IYD: variants seen among roughly 807,000 people sequenced by gnomAD.
IYD encodes the protein iodotyrosine deiodinase 1.
In IYD, 25 loss-of-function variants were observed where a neutral mutation model predicts 28.4. That is an observed-to-expected ratio of 0.88 (90% confidence interval 0.64 to 1.23). IYD has a LOEUF of 1.23. Ranked by LOEUF, IYD falls within the 50% of genes most tolerant of loss-of-function variation. The pLI is 0.00. For missense variants in IYD, 352 were observed against 357.9 expected (o/e 0.98, Z 0.13); for synonymous variants, 140 against 130.8 (o/e 1.07, Z -0.48).
chr6:150,405,103 CTG>C lies in IYD; in HGVS notation c.*6870_*6871del, dbSNP rs1250618614. The C allele has an allele frequency of 2.0e-5, 3 of 152,230 alleles. No homozygotes were observed. The highest frequency in any genetic ancestry group is 2.1e-4 in the South Asian group (1 of 4,826). 9.4% of individuals were successfully genotyped at this position (152,230 alleles called of 1,614,324 possible). On this transcript the variant is annotated 3_prime_UTR_variant, in exon 5 of 5. Coordinates refer to ENST00000344419, the MANE Select transcript of IYD (RefSeq NM_203395.3). ...CAAGATCTGAAAGGGACATGGGAATCTGTGTTTTTAACGTGTTCCAGGTGATT... is the reference window on the plus strand; with the variant it reads ...CAAGATCTGAAAGGGACATGGGAATCTGTTTTTAACGTGTTCCAGGTGATT...
At chr6:150,378,406 A>T (rs1054826382) in intron 1 of IYD, among the ~76,000 whole-genome samples, 1 of 149,632 alleles carries the variant, frequency 6.7e-6, no homozygotes, top group African/African-American at 2.5e-5. Context: ...TTCAATTCCC[A>T]CCTATAAGTG....
At chr6:150,388,693 T>C (rs1777993425) in intron 1 of IYD, among the ~76,000 whole-genome samples, 2 of 146,566 alleles carry the variant, frequency 1.4e-5, no homozygotes, top group Admixed American at 1.4e-4. Context: ...CTTCTTTCCT[T>C]CCTTCCTTTC....
chr6:150,390,624 T>C (rs913391514), intron 2 of IYD, among the ~76,000 whole-genome samples: 1 of 152,050 alleles, frequency 6.6e-6, no homozygotes, highest in Non-Finnish European at 1.5e-5. Flanking sequence ...CCTCCCTCCA[T>C]AGGTGCTGCT....
Position 150,369,018 on chromosome 6 carries a change from T to G in IYD, c.-14T>G. The G allele has an allele frequency of 6.2e-7, 1 of 1,613,834 alleles. No homozygotes were observed. Among genetic ancestry groups the G allele is most frequent in the Non-Finnish European group, 8.5e-7 (1 of 1,179,846 alleles). ...GTGGGAAGTGTGCACGCCTGTGACG[T>G]CAGACTCCAGACCATGTATTTCCTG... On this transcript the variant is annotated 5_prime_UTR_variant, in exon 1 of 5. Coordinates refer to ENST00000344419, the MANE Select transcript of IYD (RefSeq NM_203395.3).
chr6:150,370,320 C>CAT (rs1777188571), intron 1 of IYD, among the ~76,000 whole-genome samples: 1 of 149,566 alleles, frequency 6.7e-6, no homozygotes. Flanking sequence ...TGTGTGTGCA[C>CAT]GAGTGGGTGA....
At chr6:150,380,099 T>C (rs1156343031) in intron 1 of IYD, among the ~76,000 whole-genome samples, 3 of 152,250 alleles carry the variant, frequency 2.0e-5, no homozygotes, top group Admixed American at 6.5e-5. Context: ...CACTAATATA[T>C]ATATCAAAGG....
At position 150,403,280 on chromosome 6, in the gene IYD, T is replaced by A. The variant is rs1466509732; in HGVS notation, c.*5043T>A. The A allele has an allele frequency of 1.3e-5, 2 of 152,220 alleles. No individual in the cohort carries two copies. The highest frequency in any genetic ancestry group is 3.8e-4 in the East Asian group (2 of 5,204). 9.4% of individuals were successfully genotyped at this position (152,220 alleles called of 1,614,324 possible). A position where few individuals can be genotyped will look rare whatever the true frequency, so the allele number is the denominator to read the frequency against. ...GCTAGGTATCAGCAGAGTGCCCTCTTATAATTTGTGTGAAATGGAAACAAA... is the reference window on the plus strand; with the variant it reads ...GCTAGGTATCAGCAGAGTGCCCTCTAATAATTTGTGTGAAATGGAAACAAA... On this transcript the variant is annotated 3_prime_UTR_variant, in exon 5 of 5. Coordinates refer to ENST00000344419, the MANE Select transcript of IYD (RefSeq NM_203395.3).
intron 1 of IYD, among the ~76,000 whole-genome samples, chr6:150,376,437 T>A (rs1394431400): frequency 6.6e-6 from 1 of 151,658 alleles, no homozygotes; most frequent in African/African-American, 2.4e-5. Flanking sequence ...TCAGGGAAAA[T>A]GAATGGGTCC....
rs1282936514 is a variant in IYD, at chr6:150,399,963, C to T, written c.*1726C>T. On this transcript the variant is annotated 3_prime_UTR_variant, in exon 5 of 5. Transcript: ENST00000344419. The stretch of plus-strand genomic sequence containing the variant: ...GACACAAACATTCCGTCCATGGCAC[C>T]TACTTCATAGGGTTTGGCATGCTGC... 3 of 152,256 alleles carry T rather than the reference C, an allele frequency of 2.0e-5. No individual in the cohort carries two copies. Among genetic ancestry groups the T allele is most frequent in the Admixed American group, 6.5e-5 (1 of 15,282 alleles). The allele number at this position is 152,256 out of a possible 1,614,324, so 9.4% of individuals were successfully genotyped here.
In IYD at chr6:150,405,666, A is replaced by C; in HGVS notation, c.*7429A>C. ...CATCAGATCTCATGAGAACTCACTC[A>C]TTCTCATGAGAATAACATGGGGGAA... On this transcript the variant is annotated 3_prime_UTR_variant, in exon 5 of 5. Transcript: ENST00000344419. 1 of 152,190 alleles carries C rather than the reference A, an allele frequency of 6.6e-6. No individual in the cohort carries two copies. Among genetic ancestry groups the C allele is most frequent in the Non-Finnish European group, 1.5e-5 (1 of 68,042 alleles). The allele number at this position is 152,190 out of a possible 1,614,324, so 9.4% of individuals were successfully genotyped here.
chr6:150,384,427 A>G (rs978380355), intron 1 of IYD: 1 of 152,174 alleles, frequency 6.6e-6, no homozygotes, highest in East Asian at 1.9e-4. Flanking sequence ...TTCTGATTTG[A>G]TATACTGAGG....
Position 150,392,352 on chromosome 6 carries a change from C to T in IYD, c.378C>T (p.Ala126=), listed in dbSNP as rs1459544500. 6.2e-7 allele frequency: 1 copy of T among 1,613,264 alleles called. No individual in the cohort carries two copies. The highest frequency in any genetic ancestry group is 1.7e-5 in the Admixed American group (1 of 60,020). ...TAATGGAATGGGTGACAGGAACAGC[C>T]CCGAGTGGGGCTCACACAGAGCCCT... ...IDNVIRTAGT[A]PSGAHTEPWT... Residue 126 remains alanine, a synonymous_variant, in exon 3 of 5, where the codon GCC becomes GCT. Transcript: ENST00000344419.
chr6:150,379,100 A>AC (rs1777555629), intron 1 of IYD, among the ~76,000 whole-genome samples: 1 of 151,916 alleles, frequency 6.6e-6, no homozygotes, highest in Non-Finnish European at 1.5e-5. Flanking sequence ...CTTCCTGCCC[A>AC]CCCCCAATAG....
chr6:150,387,207 C>A (rs78666909), intron 1 of IYD, among the ~76,000 whole-genome samples: 2,271 of 152,058 alleles, frequency 0.015, 56 homozygotes, highest in African/African-American at 0.052. Context: ...CAATTATGAA[C>A]CTGAAGTTTG....
At chr6:150,371,144 G>C (rs1777224642) in intron 1 of IYD, among the ~76,000 whole-genome samples, 1 of 152,362 alleles carries the variant, frequency 6.6e-6, no homozygotes, top group Non-Finnish European at 1.5e-5. Context: ...CTGTGGGAAA[G>C]GGGGCTCTGG....
intron 1 of IYD, chr6:150,369,883 G>A: frequency 1.5e-6 from 1 of 680,866 alleles, no homozygotes; most frequent in South Asian, 1.6e-5. Flanking sequence ...GAAGCACCTG[G>A]AGGCCTGGGG....
chr6:150,371,942 C>T (rs1330670348), intron 1 of IYD, among the ~76,000 whole-genome samples: 2 of 152,184 alleles, frequency 1.3e-5, no homozygotes, highest in Non-Finnish European at 2.9e-5. Flanking sequence ...TCCCTGCTCT[C>T]AGTCACAGGG....
At chr6:150,386,637 C>T (rs895843484) in intron 1 of IYD, among the ~76,000 whole-genome samples, 2 of 152,060 alleles carry the variant, frequency 1.3e-5, no homozygotes, top group Non-Finnish European at 2.9e-5. Context: ...AGATCTTTCA[C>T]TGTGTTGTGG....
intron 1 of IYD, among the ~76,000 whole-genome samples, chr6:150,380,038 G>A (rs548477145): frequency 7.8e-4 from 118 of 152,252 alleles, no homozygotes; most frequent in Non-Finnish European, 1.5e-3. Flanking sequence ...GAGTGAGGGA[G>A]GAAGCTTTCC....
Sources: gnomAD v4.1 joint callset for allele counts (sites outside exome capture counted in the v4.1 genomes callset) on GRCh38, gnomAD v4.1.1 for gene constraint, MANE v1.5 for transcripts, NCBI Gene and HGNC (gene_info 2026-07-23, HGNC 2026-07-21) for gene names.